MGAT4C: variants seen among roughly 807,000 people sequenced by gnomAD.
MGAT4C encodes alpha-1,3-mannosyl-glycoprotein 4-beta-N-acetylglucosaminyltransferase C.
Under a neutral mutation model 40.1 loss-of-function variants are expected in MGAT4C, and 19 were observed. The ratio of observed to expected loss-of-function variants is 0.47; its 90% confidence interval spans 0.33 to 0.70. MGAT4C has a LOEUF of 0.70. Among genes scored for constraint, MGAT4C ranks in the 30% least tolerant of loss-of-function variants. The probability of loss-of-function intolerance (pLI) is 0.02; values close to 1 mark genes in which losing one functional copy is unlikely to be tolerated. For synonymous variants in MGAT4C, 181 were observed against 187.1 expected, an observed-to-expected ratio of 0.97 and a Z score of 0.27; for missense variants, 491 against 563.2, an observed-to-expected ratio of 0.87 and a Z score of 1.30.
intron 1 of MGAT4C, among the ~76,000 whole-genome samples, chr12:86,255,739 C>T (rs568087352): frequency 1.3e-4 from 20 of 152,084 alleles, no homozygotes; most frequent in Non-Finnish European, 2.4e-4. Context: ...AAGCCAGAGC[C>T]TTTGCTCACT....
At chr12:86,585,727 T>C (rs1030597099) in intron 2 of MGAT4C, among the ~76,000 whole-genome samples, 2 of 149,598 alleles carry the variant, frequency 1.3e-5, no homozygotes, top group African/African-American at 4.9e-5. Context: ...CATGTTTTAT[T>C]TTTTTTAATT....
At chr12:86,425,970 T>C (rs568888013) in intron 3 of MGAT4C, among the ~76,000 whole-genome samples, 1 of 152,342 alleles carries the variant, frequency 6.6e-6, no homozygotes, top group Non-Finnish European at 1.5e-5. Flanking sequence ...CAGATTATAC[T>C]CATGATATAT....
At chr12:86,502,561 T>C (rs1958367113) in intron 2 of MGAT4C, among the ~76,000 whole-genome samples, 1 of 151,262 alleles carries the variant, frequency 6.6e-6, no homozygotes, top group Non-Finnish European at 1.5e-5. Flanking sequence ...ATATGACATA[T>C]TACTAGTTGT....
intron 2 of MGAT4C, among the ~76,000 whole-genome samples, chr12:86,694,494 T>G (rs1950221641): frequency 6.6e-6 from 1 of 152,210 alleles, no homozygotes; most frequent in Admixed American, 6.6e-5. Context: ...CTTGTAACAA[T>G]TGCAGAATTA....
At chr12:86,309,088 A>G (rs1477479627) in intron 4 of MGAT4C, among the ~76,000 whole-genome samples, 1 of 150,690 alleles carries the variant, frequency 6.6e-6, no homozygotes, top group African/African-American at 2.5e-5. Flanking sequence ...TCATTTTATC[A>G]GTTGCTAACA....
In MGAT4C at chr12:86,401,040, T is replaced by C. The variant is rs1447481994; in HGVS notation, c.-120+34117A>G. Among the ~76,000 whole-genome samples the C allele has an allele frequency of 2.0e-5, 3 of 152,142 alleles. No homozygotes were observed. The East Asian group carries it at 5.8e-4, about 29-fold the overall frequency. On this transcript the variant is annotated intron_variant, in intron 3 of 7. Transcript: ENST00000548651. ...TTACTAAAGAAAAATTGAATACCCC[T>C]ATTTATAAAGAAATGGCTGTTTTTA...
chr12:86,689,371 G>GT (rs1223030284), intron 2 of MGAT4C, among the ~76,000 whole-genome samples: 3 of 152,114 alleles, frequency 2.0e-5, no homozygotes, highest in Non-Finnish European at 4.4e-5. Flanking sequence ...TCTCCATCCA[G>GT]TTTTTTTCCC....
At chr12:86,653,241 C>T (rs1237908138) in intron 2 of MGAT4C, among the ~76,000 whole-genome samples, 1 of 151,772 alleles carries the variant, frequency 6.6e-6, no homozygotes, top group African/African-American at 2.4e-5. Context: ...ATACAATTTT[C>T]CAAGTAGACA....
chr12:86,303,956 T>C (rs1297272069), intron 4 of MGAT4C, among the ~76,000 whole-genome samples: 1 of 150,408 alleles, frequency 6.6e-6, no homozygotes. Flanking sequence ...ATCTGTGTCA[T>C]ATTTATTTAC....
chr12:86,585,013 A>G (rs1456098696), intron 2 of MGAT4C, among the ~76,000 whole-genome samples: 3 of 151,422 alleles, frequency 2.0e-5, no homozygotes, highest in Non-Finnish European at 3.0e-5. Flanking sequence ...TTTGTTCTAC[A>G]TGAATGACAT....
chr12:85,980,077 A>G lies in MGAT4C; in HGVS notation c.649T>C (p.Ser217Pro). The change falls in exon 5 of 5, where the codon TCA (serine) becomes CCA (proline). Residue 217 changes from serine to proline, a missense_variant. Transcript: ENST00000611864. ...TCTTCAAGCATTACATAATAGTCTGAAGTATTGGCACAAAAATTAAGCAGA... is the reference window on the plus strand; with the variant it reads ...TCTTCAAGCATTACATAATAGTCTGGAGTATTGGCACAAAAATTAAGCAGA... ...AFLLNFCANT[S>P]DYYVMLEDDV... 1.2e-6 allele frequency: 2 copies of G among 1,613,802 alleles called. No homozygotes were observed. The highest frequency in any genetic ancestry group is 1.7e-6 in the Non-Finnish European group (2 of 1,179,852).
intron 1 of MGAT4C, among the ~76,000 whole-genome samples, chr12:86,182,507 A>T (rs763915319): frequency 6.6e-6 from 1 of 151,902 alleles, no homozygotes; most frequent in Admixed American, 6.6e-5. Flanking sequence ...CTTGCCTGTT[A>T]TATCCCTATC....
chr12:86,427,811 G>A (rs1024017589), intron 3 of MGAT4C, among the ~76,000 whole-genome samples: 4 of 152,080 alleles, frequency 2.6e-5, no homozygotes, highest in Non-Finnish European at 5.9e-5. Flanking sequence ...ACGAGGTCAG[G>A]GGATCAAGAC....
chr12:86,364,943 G>T (rs2136205871), intron 3 of MGAT4C, among the ~76,000 whole-genome samples: 1 of 152,274 alleles, frequency 6.6e-6, no homozygotes, highest in East Asian at 1.9e-4. Context: ...GGCATGCATT[G>T]TCATTGATAA....
At position 85,974,306 on chromosome 12, in the gene MGAT4C, A is replaced by G. The variant is rs1883798197; in HGVS notation, c.*4983T>C. ...GCAAAAGCAAGTTCAGAAGAGGAAC[A>G]CAACCAGGAGGACAGTGTGTCAGGA... On this transcript the variant is annotated 3_prime_UTR_variant, in exon 5 of 5. Transcript: ENST00000611864. 1.3e-5 allele frequency: 2 copies of G among 150,884 alleles called. No homozygotes were observed. The allele number at this position is 150,884 out of a possible 1,614,324, so 9.3% of individuals were successfully genotyped here.
chr12:86,558,272 A>T lies in MGAT4C; in HGVS notation c.-228-123007T>A, dbSNP rs375157369. On this transcript the variant is annotated intron_variant, in intron 2 of 7. Transcript: ENST00000548651. ...TCAGAGCGAGGAGATAGGCAAAAAC[A>T]TGGAAAGTTCATTTAACAGAATAAT... Among the ~76,000 whole-genome samples, 4 of 152,260 alleles carry T rather than the reference A, an allele frequency of 2.6e-5. No individual in the cohort carries two copies. The East Asian group carries it at 7.7e-4, about 29-fold the overall frequency.
intron 1 of MGAT4C, among the ~76,000 whole-genome samples, chr12:86,062,850 G>A (rs1034003804): frequency 6.6e-6 from 1 of 151,934 alleles, no homozygotes; most frequent in Non-Finnish European, 1.5e-5. Flanking sequence ...AACAAACAAA[G>A]CCTCGAAGAA....
In MGAT4C at chr12:85,955,699, T is replaced by G. The variant is rs1027114306; in HGVS notation, c.*23590A>C. ...AAGAAACCACAATGTATTTATGCTG[T>G]TTAGCCTTCATAATTTCAAACAATT... On this transcript the variant is annotated 3_prime_UTR_variant, in exon 5 of 5. Transcript: ENST00000611864. 21 of 152,152 alleles carry G rather than the reference T, an allele frequency of 1.4e-4. No homozygotes were observed. The highest frequency in any genetic ancestry group is 2.8e-4 in the Non-Finnish European group (19 of 68,002). 9.4% of individuals were successfully genotyped at this position (152,152 alleles called of 1,614,324 possible).
chr12:86,803,338 T>C (rs1342092092), intron 1 of MGAT4C, among the ~76,000 whole-genome samples: 2 of 151,630 alleles, frequency 1.3e-5, no homozygotes, highest in Non-Finnish European at 2.9e-5. Context: ...GCATTACCAT[T>C]CAGGACATAG....
Sources: gnomAD v4.1 joint callset for allele counts (sites outside exome capture counted in the v4.1 genomes callset) on GRCh38, gnomAD v4.1.1 for gene constraint, MANE v1.5 for transcripts, NCBI Gene and HGNC (gene_info 2026-07-23, HGNC 2026-07-21) for gene names.